Variants in PPP1R9A observed in about 807,000 individuals in gnomAD.
PPP1R9A encodes the protein protein phosphatase 1 regulatory subunit 9A, also known as neurabin-1.
PPP1R9A carries 59 observed loss-of-function variants against 141.9 expected under a neutral mutation model. The ratio of observed to expected loss-of-function variants is 0.42; its 90% CI spans 0.34 to 0.52. The LOEUF (loss-of-function observed/expected upper bound fraction) is 0.52. Ranked by LOEUF, PPP1R9A falls within the 20% of genes least tolerant of loss-of-function variation. PPP1R9A has a pLI of 0.10. For synonymous variants in PPP1R9A, 500 were observed against 569.7 expected, an observed-to-expected ratio of 0.88 and a Z score of 1.74; for missense variants, 1,444 against 1,611.9, an observed-to-expected ratio of 0.90 and a Z score of 1.78.
At chr7:95,208,148 T>A (rs1250760501) in intron 7 of PPP1R9A, among the ~76,000 whole-genome samples, 2 of 152,156 alleles carry the variant, frequency 1.3e-5, no homozygotes, top group African/African-American at 2.4e-5. Context: ...TTATTAAACT[T>A]TAATAAATTT....
chr7:94,935,233 A>T (rs1431119465), intron 2 of PPP1R9A, among the ~76,000 whole-genome samples: 3 of 152,188 alleles, frequency 2.0e-5, no homozygotes, highest in Non-Finnish European at 4.4e-5. Context: ...CCAAAGTATG[A>T]AAAGAAGATT....
At chr7:95,269,628 TTTATA>T in intron 14 of PPP1R9A, 121 bp downstream of exon 14, 1 of 746,512 alleles carries the variant, frequency 1.3e-6, no homozygotes, top group Non-Finnish European at 1.9e-6. Context: ...TTAATTTCTT[TTTATA>T]TTATAGAATA....
chr7:94,995,058 C>A (rs1014493951), intron 2 of PPP1R9A, among the ~76,000 whole-genome samples: 1 of 151,974 alleles, frequency 6.6e-6, no homozygotes, highest in South Asian at 2.1e-4. Flanking sequence ...TTTTATGTAT[C>A]TGAAAAAAAG....
At chr7:95,238,258 G>A (rs1320640873) in intron 8 of PPP1R9A, among the ~76,000 whole-genome samples, 1 of 152,064 alleles carries the variant, frequency 6.6e-6, no homozygotes, top group Non-Finnish European at 1.5e-5. Flanking sequence ...GGATTCTGGT[G>A]CTGCCCTAGT....
chr7:95,225,279 C>T (rs1049632778), intron 7 of PPP1R9A, among the ~76,000 whole-genome samples: 5 of 152,110 alleles, frequency 3.3e-5, no homozygotes, highest in East Asian at 1.9e-4. Flanking sequence ...CTAATATTAA[C>T]GGATGCTTGG....
intron 2 of PPP1R9A, among the ~76,000 whole-genome samples, chr7:95,021,833 C>T (rs1806012444): frequency 6.6e-6 from 1 of 152,172 alleles, no homozygotes; most frequent in South Asian, 2.1e-4. Context: ...GTCTATATCT[C>T]TGTTTTTGTA....
intron 2 of PPP1R9A, among the ~76,000 whole-genome samples, chr7:95,059,254 T>C (rs1811901770): frequency 1.3e-5 from 2 of 152,372 alleles, no homozygotes; most frequent in South Asian, 4.1e-4. Context: ...AGGTATAGGC[T>C]AAGATTTATT....
At chr7:95,047,257 G>A (rs1413666545) in intron 2 of PPP1R9A, among the ~76,000 whole-genome samples, 1 of 152,146 alleles carries the variant, frequency 6.6e-6, no homozygotes, top group Non-Finnish European at 1.5e-5. Flanking sequence ...TTTATCAGCA[G>A]GGACTATTAA....
At chr7:94,999,608 G>A (rs1257280785) in intron 2 of PPP1R9A, among the ~76,000 whole-genome samples, 3 of 152,014 alleles carry the variant, frequency 2.0e-5, no homozygotes, top group African/African-American at 7.3e-5. Flanking sequence ...CATCTGTAGT[G>A]GCTACTAGGG....
rs547211313 is a variant in PPP1R9A at position 95,254,774 on chromosome 7, C to T, written c.2665+2644C>T. On this transcript the variant is annotated intron_variant, in intron 12 of 19. Transcript: ENST00000433360. ...CCGTTTCTTCATGTGTACTCATGCT[C>T]TTCCAAAATGATGTGACTCTTAATA... 1.8e-3 allele frequency among the ~76,000 whole-genome samples: 277 copies of T among 152,284 alleles called. 1 individual carries two copies. The highest frequency in any genetic ancestry group is 6.4e-3 in the African/African-American group (267 of 41,572).
chr7:94,937,930 G>A (rs1182793592), intron 2 of PPP1R9A, among the ~76,000 whole-genome samples: 1 of 152,158 alleles, frequency 6.6e-6, no homozygotes, highest in Non-Finnish European at 1.5e-5. Flanking sequence ...GTACAGGTAC[G>A]TACTTGTGAA....
intron 2 of PPP1R9A, among the ~76,000 whole-genome samples, chr7:95,104,980 T>A (rs1307081676): frequency 6.8e-6 from 1 of 147,054 alleles, no homozygotes; most frequent in Non-Finnish European, 1.5e-5. Flanking sequence ...CACACTTTGC[T>A]AGCCATCATC....
At chr7:95,070,593 G>GTATATGTATATATATATATATATATA (rs1813636169) in intron 2 of PPP1R9A, among the ~76,000 whole-genome samples, 3 of 111,940 alleles carry the variant, frequency 2.7e-5, no homozygotes, top group Non-Finnish European at 5.7e-5. Context: ...TAAATCTCTG[G>GTATATGTATATATATATATATATATA]TATATATATA....
rs80193582 is a variant in PPP1R9A, at chr7:95,093,441, A to G, written c.1396-17818A>G. Reference sequence around the variant, plus strand: ...ATTTCAACCTGAGGACCCAAATAATACAATTTCATCCACAACAGTAAAGCT... The same window carrying G: ...ATTTCAACCTGAGGACCCAAATAATGCAATTTCATCCACAACAGTAAAGCT... On this transcript the variant is annotated intron_variant, in intron 2 of 19. Transcript: ENST00000433360. Among the ~76,000 whole-genome samples the G allele has an allele frequency of 5.7e-3, 867 of 152,312 alleles. 9 individuals are homozygous for G. Among genetic ancestry groups the G allele is most frequent in the African/African-American group, 0.02 (825 of 41,558 alleles).
At chr7:95,044,875 A>T (rs944351096) in intron 2 of PPP1R9A, among the ~76,000 whole-genome samples, 1 of 151,846 alleles carries the variant, frequency 6.6e-6, no homozygotes, top group African/African-American at 2.4e-5. Context: ...GCCTGACCTC[A>T]GTCTTTGATT....
At chr7:95,078,738 G>C (rs1489501954) in intron 2 of PPP1R9A, among the ~76,000 whole-genome samples, 2 of 151,518 alleles carry the variant, frequency 1.3e-5, no homozygotes, top group Non-Finnish European at 3.0e-5. Context: ...CAGTGATGGT[G>C]AGCATTTTTT....
chr7:95,146,309 T>A (rs1223542575), intron 4 of PPP1R9A, among the ~76,000 whole-genome samples: 2 of 152,226 alleles, frequency 1.3e-5, no homozygotes, highest in East Asian at 3.8e-4. Flanking sequence ...TTTTGAAAAG[T>A]GCCCGTTCAT....
intron 7 of PPP1R9A, among the ~76,000 whole-genome samples, chr7:95,222,786 TTG>T: frequency 6.6e-6 from 1 of 152,042 alleles, no homozygotes; most frequent in Admixed American, 6.6e-5. Context: ...TCATCTTCCT[TTG>T]TAAATGGCAG....
At chr7:95,045,366 C>A (rs1281270414) in intron 2 of PPP1R9A, among the ~76,000 whole-genome samples, 1 of 152,180 alleles carries the variant, frequency 6.6e-6, no homozygotes, top group Non-Finnish European at 1.5e-5. Context: ...TATATGTTGG[C>A]ATCCTTACAG....
Sources: gnomAD v4.1 joint callset for allele counts (sites outside exome capture counted in the v4.1 genomes callset) on GRCh38, gnomAD v4.1.1 for gene constraint, MANE v1.5 for transcripts, NCBI Gene and HGNC (gene_info 2026-07-23, HGNC 2026-07-21) for gene names.